Variants in ST6GALNAC3 observed in about 807,000 individuals in gnomAD.
ST6GALNAC3 encodes the protein alpha-N-acetylgalactosaminide alpha-2,6-sialyltransferase 3.
A neutral mutation model predicts 32.7 loss-of-function variants in ST6GALNAC3; 25 were observed. That is an observed-to-expected ratio of 0.76 (90% CI 0.56 to 1.07). The LOEUF is 1.07. ST6GALNAC3 is among the 50% of genes least tolerant of loss of function. The pLI is 0.00. For synonymous variants in ST6GALNAC3, 129 were observed against 133.1 expected (o/e 0.97, Z 0.21); for missense variants, 355 against 382.4 (o/e 0.93, Z 0.60).
intron 1 of ST6GALNAC3, among the ~76,000 whole-genome samples, chr1:76,175,126 C>T (rs774097287): frequency 1.3e-5 from 2 of 152,022 alleles, no homozygotes; most frequent in Admixed American, 6.6e-5. Flanking sequence ...TCTTCTTCCA[C>T]GTCTTTGATT....
chr1:76,411,993 TTCTC>T lies in ST6GALNAC3; in HGVS notation c.214-13_214-10del. On this transcript the variant is annotated splice_polypyrimidine_tract_variant and intron_variant, in intron 2 of 4. Transcript: ENST00000328299. ...GAATTTACTAATTTACATGCCTTCT[TTCTC>T]TATTTTTCAGCCTTTGCAACTGGAC... 1.2e-6 allele frequency: 2 copies of T among 1,603,132 alleles called. No individual in the cohort carries two copies. Among genetic ancestry groups the T allele is most frequent in the Non-Finnish European group, 1.7e-6 (2 of 1,173,772 alleles).
At chr1:76,249,544 G>A (rs532963938) in intron 1 of ST6GALNAC3, among the ~76,000 whole-genome samples, 39 of 151,792 alleles carry the variant, frequency 2.6e-4, no homozygotes, top group African/African-American at 3.4e-4. Flanking sequence ...AGTTATAGCC[G>A]CTTTTAGGAT....
rs1661063820 is a variant in ST6GALNAC3 at position 76,306,557 on chromosome 1, G to T, written c.19-7248G>T. On this transcript the variant is annotated intron_variant, in intron 1 of 4. Transcript: ENST00000328299. ...ACAAATCCAACAAACAAAAATCAAG[G>T]CAATAGAGTTTTCATGGGTACCACT... Among the ~76,000 whole-genome samples, 3 of 142,850 alleles carry T rather than the reference G, an allele frequency of 2.1e-5. No individual in the cohort carries two copies. In the South Asian group the frequency reaches 7.1e-4, roughly 34 times the overall value. 93.7% of individuals were successfully genotyped at this position (142,850 alleles called of 152,430 possible).
At chr1:76,573,444 G>A (rs553886991) in intron 3 of ST6GALNAC3, among the ~76,000 whole-genome samples, 1 of 152,026 alleles carries the variant, frequency 6.6e-6, no homozygotes, top group Non-Finnish European at 1.5e-5. Flanking sequence ...TGTGTGAATT[G>A]CACACACAGG....
intron 3 of ST6GALNAC3, among the ~76,000 whole-genome samples, chr1:76,602,688 T>G (rs1647290420): frequency 6.6e-6 from 1 of 152,132 alleles, no homozygotes; most frequent in African/African-American, 2.4e-5. Flanking sequence ...TTACTTTTAC[T>G]AATTTATTTT....
At chr1:76,554,667 T>C (rs1664819342) in intron 3 of ST6GALNAC3, among the ~76,000 whole-genome samples, 1 of 152,130 alleles carries the variant, frequency 6.6e-6, no homozygotes, top group Admixed American at 6.5e-5. Flanking sequence ...TTTATACTTA[T>C]CAGAAGAAAG....
intron 1 of ST6GALNAC3, among the ~76,000 whole-genome samples, chr1:76,136,129 A>G (rs982307766): frequency 2.6e-5 from 4 of 152,198 alleles, no homozygotes; most frequent in Non-Finnish European, 5.9e-5. Context: ...TTAGAAGTTT[A>G]TACTCTTCAT....
intron 2 of ST6GALNAC3, among the ~76,000 whole-genome samples, chr1:76,402,798 T>G (rs557714067): frequency 1.3e-5 from 2 of 152,160 alleles, no homozygotes; most frequent in Non-Finnish European, 2.9e-5. Flanking sequence ...TTGAAGTCCT[T>G]TCTTATAAAG....
At chr1:76,622,260 G>A (rs1471067396) in intron 3 of ST6GALNAC3, among the ~76,000 whole-genome samples, 2 of 151,948 alleles carry the variant, frequency 1.3e-5, no homozygotes, top group African/African-American at 4.8e-5. Context: ...TACTTTTTCT[G>A]CATTCCTAAT....
intron 3 of ST6GALNAC3, among the ~76,000 whole-genome samples, chr1:76,550,697 G>C (rs1664567305): frequency 6.6e-6 from 1 of 152,038 alleles, no homozygotes; most frequent in Non-Finnish European, 1.5e-5. Context: ...CTGTAAAATG[G>C]TGACAATAAT....
At chr1:76,115,055 A>G (rs1295609484) in intron 1 of ST6GALNAC3, among the ~76,000 whole-genome samples, 1 of 152,224 alleles carries the variant, frequency 6.6e-6, no homozygotes, top group African/African-American at 2.4e-5. Flanking sequence ...TTGACATGGC[A>G]GCTTTGTTTT....
chr1:76,148,345 T>C (rs1650823373), intron 1 of ST6GALNAC3, among the ~76,000 whole-genome samples: 1 of 152,208 alleles, frequency 6.6e-6, no homozygotes, highest in Admixed American at 6.5e-5. Context: ...TAGGAGAGAA[T>C]GTTCTACGAA....
intron 3 of ST6GALNAC3, among the ~76,000 whole-genome samples, chr1:76,585,393 A>G (rs199684910): frequency 9.8e-4 from 3 of 3,058 alleles, no homozygotes; most frequent in African/African-American, 4.7e-3. Context: ...CTCAAAAAAG[A>G]AAAAAAAAAA....
At chr1:76,310,334 G>A (rs553109484) in intron 1 of ST6GALNAC3, among the ~76,000 whole-genome samples, 8 of 152,160 alleles carry the variant, frequency 5.3e-5, no homozygotes, top group Non-Finnish European at 1.0e-4. Context: ...TGGACATAAT[G>A]ATTCCACAGA....
intron 3 of ST6GALNAC3, among the ~76,000 whole-genome samples, chr1:76,513,268 T>A (rs12138475): frequency 2.0e-5 from 3 of 152,094 alleles, no homozygotes; most frequent in East Asian, 1.9e-4. Flanking sequence ...AGTTATAGAC[T>A]TTACAATTAG....
At chr1:76,248,284 C>A (rs1361770313) in intron 1 of ST6GALNAC3, among the ~76,000 whole-genome samples, 1 of 152,158 alleles carries the variant, frequency 6.6e-6, no homozygotes, top group Non-Finnish European at 1.5e-5. Context: ...TCGCCAGATG[C>A]CCTCTTTTAA....
intron 3 of ST6GALNAC3, among the ~76,000 whole-genome samples, chr1:76,443,884 T>C (rs1656785837): frequency 6.6e-6 from 1 of 152,216 alleles, no homozygotes; most frequent in Non-Finnish European, 1.5e-5. Context: ...TTACTTTCAC[T>C]CTCTAGGAAA....
intron 2 of ST6GALNAC3, among the ~76,000 whole-genome samples, chr1:76,317,466 G>C (rs931216724): frequency 6.6e-6 from 1 of 152,070 alleles, no homozygotes; most frequent in Non-Finnish European, 1.5e-5. Flanking sequence ...CACACACTAA[G>C]TCCCTATTCA....
chr1:76,389,279 A>T lies in ST6GALNAC3; in HGVS notation c.214-22729A>T, dbSNP rs372877634. 1.5e-4 allele frequency among the ~76,000 whole-genome samples: 23 copies of T among 152,304 alleles called. No individual in the cohort carries two copies. In the East Asian group the frequency reaches 4.3e-3, roughly 28 times the overall value. On this transcript the variant is annotated intron_variant, in intron 2 of 4. Transcript: ENST00000328299. ...CAGAATAGTCTCAGTCCTGAGGCTG[A>T]GACAAGAACATGGCATGGTTGAGAA...
Sources: gnomAD v4.1 joint callset for allele counts (sites outside exome capture counted in the v4.1 genomes callset) on GRCh38, gnomAD v4.1.1 for gene constraint, MANE v1.5 for transcripts, NCBI Gene and HGNC (gene_info 2026-07-23, HGNC 2026-07-21) for gene names.